The following CAMKV variants were observed in gnomAD, a reference collection of about 807,000 sequenced individuals.
CAMKV encodes caM kinase-like vesicle-associated protein.
Under a neutral mutation model 50.2 loss-of-function variants are expected in CAMKV, and 5 were observed. The ratio of observed to expected loss-of-function variants is 0.10; its 90% CI spans 0.05 to 0.21. The LOEUF (loss-of-function observed/expected upper bound fraction) is 0.21. CAMKV is among the 10% of genes least tolerant of loss of function. CAMKV has a pLI of 1.00. For missense variants in CAMKV, 361 were observed against 650.5 expected, an observed-to-expected ratio of 0.55 and a Z score of 4.84; for synonymous variants, 229 against 250.1, an observed-to-expected ratio of 0.92 and a Z score of 0.80.
At chr3:49,867,319 T>C (rs1264706143) in intron 1 of CAMKV, among the ~76,000 whole-genome samples, 1 of 152,252 alleles carries the variant, frequency 6.6e-6, no homozygotes, top group African/African-American at 2.4e-5. Flanking sequence ...AGCTAAATCA[T>C]GGTAGAAGTT....
rs2081994175 is a variant in CAMKV at position 49,858,388 on chromosome 3, C to T, written c.*930G>A. 2 of 398,404 alleles carry T rather than the reference C, an allele frequency of 5.0e-6. No homozygotes were observed. The highest frequency in any genetic ancestry group is 4.1e-5 in the African/African-American group (2 of 48,620). The allele number at this position is 398,404 out of a possible 1,614,324, so 24.7% of individuals were successfully genotyped here. A position where few individuals can be genotyped will look rare whatever the true frequency, so the allele number is the denominator to read the frequency against. On this transcript the variant is annotated 3_prime_UTR_variant, in exon 11 of 11. Transcript: ENST00000477224. ...CAGATTATGAGTTATTGCCATGCAG[C>T]AAGCCCCCTAGGGTGGAGAGGACTT...
rs2081999647 is a variant in CAMKV at position 49,859,192 on chromosome 3, C to A, written c.*126G>T. 2.3e-6 allele frequency: 2 copies of A among 863,894 alleles called. No homozygotes were observed. The highest frequency in any genetic ancestry group is 3.5e-6 in the Non-Finnish European group (2 of 564,342). The allele number at this position is 863,894 out of a possible 1,614,324, so 53.5% of individuals were successfully genotyped here. On this transcript the variant is annotated 3_prime_UTR_variant, in exon 11 of 11. Transcript: ENST00000477224. This position sits in a 1 kb window ranked among gnomAD's most constrained non-coding sequence, Gnocchi z 5.5. The stretch of plus-strand genomic sequence containing the variant: ...TCTCCCGTGACCCCTAGTTATGCCC[C>A]ACTGGGATGTGGGGGCATGGGGGAG...
At chr3:49,867,109 C>T (rs2082071113) in intron 1 of CAMKV, among the ~76,000 whole-genome samples, 1 of 152,212 alleles carries the variant, frequency 6.6e-6, no homozygotes, top group South Asian at 2.1e-4. Flanking sequence ...CTCTCAAGGG[C>T]TGGGGCTGGG....
chr3:49,862,821 T>C lies in CAMKV; in HGVS notation c.-14-419A>G, dbSNP rs2082033339. On this transcript the variant is annotated intron_variant, in intron 1 of 10. Coordinates refer to ENST00000477224, the MANE Select transcript of CAMKV (RefSeq NM_024046.5). This position sits in a 1 kb window ranked among gnomAD's most constrained non-coding sequence, Gnocchi z 5.2. ...GATATATGAAGAACGTGAGCACTGC[T>C]AGGAGAGGGCAAACTCCCCTTTGTA... 6.6e-6 allele frequency among the ~76,000 whole-genome samples: 1 copy of C among 152,218 alleles called. No individual in the cohort carries two copies. The highest frequency in any genetic ancestry group is 2.4e-5 in the African/African-American group (1 of 41,448).
rs2081997451 is a variant in CAMKV at position 49,858,774 on chromosome 3, T to A, written c.*544A>T. 5.8e-6 allele frequency: 1 copy of A among 172,268 alleles called. No homozygotes were observed. Among genetic ancestry groups the A allele is most frequent in the African/African-American group, 2.4e-5 (1 of 42,322 alleles). 10.7% of individuals were successfully genotyped at this position (172,268 alleles called of 1,614,324 possible). A position where few individuals can be genotyped will look rare whatever the true frequency, so the allele number is the denominator to read the frequency against. ...CATGTGCCAAGTCTGGACTTAAACA[T>A]ACTGCCCTACCTTTCTGCATCCTCT... On this transcript the variant is annotated 3_prime_UTR_variant, in exon 11 of 11. Transcript: ENST00000477224.
rs2082035405 is a variant in CAMKV, at chr3:49,862,970, A to C, written c.-14-568T>G. ...ATCAGGACAGTCATACAATGCTCAT[A>C]GTAGCCATATACATAATCGCCAAAA... is the stretch of plus-strand genomic sequence containing the variant. On this transcript the variant is annotated intron_variant, in intron 1 of 10. Transcript: ENST00000477224. The surrounding 1 kb of genome is among the most constrained non-coding windows in gnomAD (Gnocchi z 5.2). 6.6e-6 allele frequency among the ~76,000 whole-genome samples: 1 copy of C among 152,262 alleles called. No individual in the cohort carries two copies. The highest frequency in any genetic ancestry group is 6.5e-5 in the Admixed American group (1 of 15,288).
In CAMKV at chr3:49,862,197, C is replaced by T. The variant is rs770763974; in HGVS notation, c.96-21G>A. The T allele has an allele frequency of 8.1e-6, 13 of 1,614,110 alleles. No homozygotes were observed. The highest frequency in any genetic ancestry group is 5.5e-5 in the South Asian group (5 of 91,094). On this transcript the variant is annotated intron_variant, in intron 2 of 10. Coordinates refer to ENST00000477224, the MANE Select transcript of CAMKV (RefSeq NM_024046.5). The surrounding 1 kb of genome is among the most constrained non-coding windows in gnomAD (Gnocchi z 5.2). ...CCTCACTGCAGCCGACAGGCACCCA[C>T]TCAGGCCTGGCCTTAGCATCAGCTG...
Position 49,859,238 on chromosome 3 carries a change from C to G in CAMKV, c.*80G>C. ...GGGAGCGAGGGCATCATGCCAGTGA[C>G]TCTATGTACAGTGAGAAGCCCCTCA... On this transcript the variant is annotated 3_prime_UTR_variant, in exon 11 of 11. Transcript: ENST00000477224. The surrounding 1 kb of genome is among the most constrained non-coding windows in gnomAD (Gnocchi z 5.5). 1 of 1,286,740 alleles carries G rather than the reference C, an allele frequency of 7.8e-7. No homozygotes were observed. The highest frequency in any genetic ancestry group is 2.3e-5 in the East Asian group (1 of 42,972). The allele number at this position is 1,286,740 out of a possible 1,614,324, so 79.7% of individuals were successfully genotyped here. A position where few individuals can be genotyped will look rare whatever the true frequency, so the allele number is the denominator to read the frequency against.
Position 49,862,235 on chromosome 3 carries a change from A to C in CAMKV, c.95+59T>G, listed in dbSNP as rs981269222. 3 of 1,613,920 alleles carry C rather than the reference A, an allele frequency of 1.9e-6. No homozygotes were observed. The highest frequency in any genetic ancestry group is 1.3e-5 in the African/African-American group (1 of 74,930). ...TTAGCATCAGCTGCACTCCACTGCC[A>C]CTTCCCTAGCCCCTGCTCACCAGCC... On this transcript the variant is annotated intron_variant, in intron 2 of 10. Coordinates refer to ENST00000477224, the MANE Select transcript of CAMKV (RefSeq NM_024046.5). The surrounding 1 kb of genome is among the most constrained non-coding windows in gnomAD (Gnocchi z 5.2).
At chr3:49,865,799 A>G (rs529588629) in intron 1 of CAMKV, among the ~76,000 whole-genome samples, 1 of 152,088 alleles carries the variant, frequency 6.6e-6, no homozygotes, top group South Asian at 2.1e-4. Flanking sequence ...ACCTTCCACA[A>G]CCTCCATGCC....
intron 1 of CAMKV, among the ~76,000 whole-genome samples, chr3:49,866,815 G>A (rs931823914): frequency 9.9e-5 from 15 of 152,236 alleles, no homozygotes; most frequent in African/African-American, 3.6e-4. Flanking sequence ...AAGCCCAAAC[G>A]GGACAAAGGC....
rs1321852525 is a variant in CAMKV at position 49,861,978 on chromosome 3, G to A, written c.227+67C>T. ...TGGCCAGAGGCTGGGACTGCCTGAG[G>A]CCACTTGCCCTCTAAGCCCTTCCCT... On this transcript the variant is annotated intron_variant, in intron 3 of 10. Transcript: ENST00000477224. The surrounding 1 kb of genome is among the most constrained non-coding windows in gnomAD (Gnocchi z 7.7). 4 of 1,610,282 alleles carry A rather than the reference G, an allele frequency of 2.5e-6. No individual in the cohort carries two copies. Among genetic ancestry groups the A allele is most frequent in the African/African-American group, 1.3e-5 (1 of 74,810 alleles).
chr3:49,859,486 G>C lies in CAMKV; in HGVS notation c.1338C>G (p.Thr446=), dbSNP rs533887928. ...TGGTGGCCAGCATGGCACTGCTTTG[G>C]GTGGTGGGCACAGTGCTCTCTTCTG... ...PATEESTVPT[T]QSSAMLATKA... The change falls in exon 11 of 11, where the codon ACC becomes ACG. Residue 446 remains threonine, a synonymous_variant. Transcript: ENST00000477224. The surrounding 1 kb of genome is among the most constrained non-coding windows in gnomAD (Gnocchi z 5.5). 1.2e-6 allele frequency: 2 copies of C among 1,614,188 alleles called. No homozygotes were observed. Among genetic ancestry groups the C allele is most frequent in the Non-Finnish European group, 1.7e-6 (2 of 1,180,008 alleles).
chr3:49,861,943 G>A lies in CAMKV; in HGVS notation c.228-78C>T. 1 of 1,607,156 alleles carries A rather than the reference G, an allele frequency of 6.2e-7. No homozygotes were observed. The highest frequency in any genetic ancestry group is 8.5e-7 in the Non-Finnish European group (1 of 1,175,790). On this transcript the variant is annotated intron_variant, in intron 3 of 10. Transcript: ENST00000477224. This position sits in a 1 kb window ranked among gnomAD's most constrained non-coding sequence, Gnocchi z 7.7. ...GGCTGTGGTCACCACAGTGGCCACA[G>A]CAGACTAATTGGCCAGAGGCTGGGA...
Position 49,861,222 on chromosome 3 carries a change from T to C in CAMKV, c.520A>G (p.Asn174Asp). 1.2e-6 allele frequency: 2 copies of C among 1,614,078 alleles called. No individual in the cohort carries two copies. The highest frequency in any genetic ancestry group is 1.7e-6 in the Non-Finnish European group (2 of 1,180,026). The change falls in exon 6 of 11, where the codon AAT becomes GAT. Residue 174 changes from asparagine (N) to aspartate (D), a missense_variant. Asn to Asp is a conservative substitution (Grantham distance 23). Around this residue, in one of 4 missense-constraint regions of CAMKV, gnomAD observed 172 missense variants for 414.3 expected, o/e 0.42. Coordinates refer to ENST00000477224, the MANE Select transcript of CAMKV (RefSeq NM_024046.5). This position sits in a 1 kb window ranked among gnomAD's most constrained non-coding sequence, Gnocchi z 7.7. ...ISDFHLAKLE[N>D]GLIKEPCGTP... Reference sequence around the variant, plus strand: ...CCACAGGGCTCCTTGATGAGGCCATTTTCTAGCTTAGCCAGATGGAAGTCA... The same window carrying C: ...CCACAGGGCTCCTTGATGAGGCCATCTTCTAGCTTAGCCAGATGGAAGTCA...
In CAMKV at chr3:49,861,150, CCCCCTG is replaced by C. The variant is rs1347350260; in HGVS notation, c.562+24_562+29del. On this transcript the variant is annotated intron_variant, in intron 6 of 10. Transcript: ENST00000477224. The surrounding 1 kb of genome is among the most constrained non-coding windows in gnomAD (Gnocchi z 7.7). Reference sequence around the variant, plus strand: ...CTCCCTGAAGGCTGCCCCCCATTATCCCCCTGCCCCTGCCCCACCCCCTGCTTGCCC... The same window carrying C: ...CTCCCTGAAGGCTGCCCCCCATTATCCCCCTGCCCCACCCCCTGCTTGCCC... 2 of 1,565,258 alleles carry C rather than the reference CCCCCTG, an allele frequency of 1.3e-6. No homozygotes were observed. Among genetic ancestry groups the C allele is most frequent in the African/African-American group, 1.3e-5 (1 of 74,122 alleles).
chr3:49,860,453 C>T lies in CAMKV; in HGVS notation c.854+18G>A, dbSNP rs770578942. The T allele has an allele frequency of 6.8e-6, 11 of 1,609,654 alleles. No homozygotes were observed. Among genetic ancestry groups the T allele is most frequent in the Non-Finnish European group, 9.3e-6 (11 of 1,177,122 alleles). ...GGGGGACCCTGGCCTCTCCCACCCTCCCCTGGACCCTGCTCACCACTCATG... is the reference window on the plus strand; with the variant it reads ...GGGGGACCCTGGCCTCTCCCACCCTTCCCTGGACCCTGCTCACCACTCATG... On this transcript the variant is annotated intron_variant, in intron 9 of 10. Coordinates refer to ENST00000477224, the MANE Select transcript of CAMKV (RefSeq NM_024046.5). This position sits in a 1 kb window ranked among gnomAD's most constrained non-coding sequence, Gnocchi z 6.1.
intron 1 of CAMKV, among the ~76,000 whole-genome samples, chr3:49,865,922 T>C (rs1257118883): frequency 6.6e-6 from 1 of 152,170 alleles, no homozygotes; most frequent in East Asian, 1.9e-4. Flanking sequence ...TGCATATGCA[T>C]TCGTGCCCAC....
In CAMKV at chr3:49,861,877, G is replaced by C. The variant is rs1056200418; in HGVS notation, c.228-12C>G. 1.2e-5 allele frequency: 19 copies of C among 1,613,514 alleles called. No individual in the cohort carries two copies. The highest frequency in any genetic ancestry group is 1.5e-5 in the Non-Finnish European group (18 of 1,179,710). On this transcript the variant is annotated splice_polypyrimidine_tract_variant and intron_variant, in intron 3 of 10. Transcript: ENST00000477224. This position sits in a 1 kb window ranked among gnomAD's most constrained non-coding sequence, Gnocchi z 7.7. ...TGGGATGCTTCACCCTGGCGACAGGGAGGGGAGCCAGTAGTTAGGGCTGGA... is the reference window on the plus strand; with the variant it reads ...TGGGATGCTTCACCCTGGCGACAGGCAGGGGAGCCAGTAGTTAGGGCTGGA...
Sources: gnomAD v4.1 joint callset for allele counts (sites outside exome capture counted in the v4.1 genomes callset) on GRCh38, gnomAD v4.1.1 for gene constraint, gnomAD v4.1.1 regional missense constraint, Gnocchi (gnomAD v3.1) non-coding constraint, MANE v1.5 for transcripts, NCBI Gene and HGNC (gene_info 2026-07-23, HGNC 2026-07-21) for gene names.